Variants in CAMK2D observed in about 807,000 individuals in gnomAD.
CAMK2D encodes the protein calcium/calmodulin-dependent protein kinase type II subunit delta.
A neutral mutation model predicts 84.0 loss-of-function variants in CAMK2D; 37 were observed. The observed-to-expected ratio is 0.44, with a 90% CI of 0.34 to 0.58. CAMK2D has a LOEUF of 0.58. Ranked by LOEUF, CAMK2D falls within the 20% of genes least tolerant of loss-of-function variation. CAMK2D has a pLI of 0.02. For synonymous variants in CAMK2D, 202 were observed against 212.5 expected, an observed-to-expected ratio of 0.95 and a Z score of 0.43; for missense variants, 448 against 652.5, an observed-to-expected ratio of 0.69 and a Z score of 3.41.
chr4:113,553,794 G>C (rs1421120005), intron 4 of CAMK2D, among the ~76,000 whole-genome samples: 2 of 152,076 alleles, frequency 1.3e-5, no homozygotes, highest in East Asian at 3.8e-4. Context: ...ATTCCGATTA[G>C]AATCTATAAT....
At chr4:113,612,159 G>C (rs1005560497) in intron 3 of CAMK2D, among the ~76,000 whole-genome samples, 1 of 152,058 alleles carries the variant, frequency 6.6e-6, no homozygotes, top group African/African-American at 2.4e-5. Flanking sequence ...TGTGAGGATG[G>C]GTTTGTTTCC....
At chr4:113,472,105 C>G (rs1269930755) in intron 16 of CAMK2D, among the ~76,000 whole-genome samples, 3 of 152,090 alleles carry the variant, frequency 2.0e-5, no homozygotes, top group Non-Finnish European at 4.4e-5. Flanking sequence ...TGCTTCAGAC[C>G]CAGCTACTTT....
chr4:113,500,954 G>A (rs1362265478), intron 15 of CAMK2D, among the ~76,000 whole-genome samples: 2 of 151,922 alleles, frequency 1.3e-5, no homozygotes, highest in Non-Finnish European at 2.9e-5. Context: ...TTTGCGTCAG[G>A]CACTATGTTA....
Position 113,742,989 on chromosome 4 carries a change from C to T in CAMK2D, c.160+16331G>A, listed in dbSNP as rs530306140. Among the ~76,000 whole-genome samples, 226 of 152,154 alleles carry T rather than the reference C, an allele frequency of 1.5e-3. 9 individuals carry two copies. In the South Asian group the frequency reaches 0.047, roughly 31 times the overall value. Reference sequence around the variant, plus strand: ...GCAGAAAAATGGAATGAAATTGAATCGTAATAAGGGAAACTTAGATTGTAA... The same window carrying T: ...GCAGAAAAATGGAATGAAATTGAATTGTAATAAGGGAAACTTAGATTGTAA... On this transcript the variant is annotated intron_variant, in intron 2 of 20. Transcript: ENST00000511664.
intron 13 of CAMK2D, among the ~76,000 whole-genome samples, chr4:113,509,281 A>G (rs956185822): frequency 5.9e-5 from 9 of 152,232 alleles, no homozygotes; most frequent in Non-Finnish European, 1.2e-4. Context: ...CGTATGCAGC[A>G]TAATTATTTG....
At chr4:113,574,683 C>T (rs542912436) in intron 4 of CAMK2D, among the ~76,000 whole-genome samples, 1 of 152,292 alleles carries the variant, frequency 6.6e-6, no homozygotes, top group South Asian at 2.1e-4. Flanking sequence ...TAAGCCTCAG[C>T]TCTTAGTTAG....
intron 2 of CAMK2D, among the ~76,000 whole-genome samples, chr4:113,737,246 A>G (rs575039922): frequency 6.6e-6 from 1 of 152,366 alleles, no homozygotes; most frequent in East Asian, 1.9e-4. Flanking sequence ...AGCAACCTGC[A>G]TGTCCATCAA....
intron 3 of CAMK2D, among the ~76,000 whole-genome samples, chr4:113,638,424 T>C (rs531435210): frequency 6.6e-6 from 1 of 152,136 alleles, no homozygotes; most frequent in Admixed American, 6.5e-5. Context: ...AAGTATATTA[T>C]TTTCTTTTCT....
At chr4:113,635,113 G>A (rs115878829) in intron 3 of CAMK2D, among the ~76,000 whole-genome samples, 129 of 152,270 alleles carry the variant, frequency 8.5e-4, no homozygotes, top group African/African-American at 2.8e-3. Context: ...TGCTGTATGC[G>A]AAAGCACTTT....
intron 2 of CAMK2D, among the ~76,000 whole-genome samples, chr4:113,720,666 C>A (rs548378894): frequency 7.3e-5 from 11 of 151,238 alleles, no homozygotes; most frequent in African/African-American, 2.7e-4. Flanking sequence ...TATTTAGATG[C>A]AAAAGCAAAA....
chr4:113,661,585 A>G, intron 3 of CAMK2D, 128 bp downstream of exon 3: 1 of 475,444 alleles, frequency 2.1e-6, no homozygotes, highest in African/African-American at 2.0e-5. Context: ...TGTAACCAAG[A>G]TTGAAAGTTA....
rs1163187240 is a variant in CAMK2D at position 113,547,628 on chromosome 4, C to A, written c.414+16G>T. ...GAACTGTGTGGTGGTTTATCTTCTT[C>A]AACCGCATTACTCACCTTCAGGTCC... On this transcript the variant is annotated intron_variant, in intron 6 of 20. Coordinates refer to ENST00000511664, the MANE Select transcript of CAMK2D (RefSeq NM_001321571.2). The A allele has an allele frequency of 1.3e-6, 2 of 1,521,176 alleles. No individual in the cohort carries two copies. The highest frequency in any genetic ancestry group is 1.2e-5 in the South Asian group (1 of 83,858). 94.2% of individuals were successfully genotyped at this position (1,521,176 alleles called of 1,614,324 possible).
At position 113,515,007 on chromosome 4, in the gene CAMK2D, T is replaced by C. The variant is rs1004006651; in HGVS notation, c.819+62A>G. The stretch of plus-strand genomic sequence containing the variant: ...AAAGCTATTTTAAATCCATAAACAA[T>C]ATATTAAAGGAGAGCTTATTTTTCA... On this transcript the variant is annotated intron_variant, in intron 10 of 20. Transcript: ENST00000511664. 7.7e-6 allele frequency: 11 copies of C among 1,423,890 alleles called. No individual in the cohort carries two copies. In the Middle Eastern group the frequency reaches 8.8e-4, roughly 114 times the overall value. 88.2% of individuals were successfully genotyped at this position (1,423,890 alleles called of 1,614,324 possible). A position where few individuals can be genotyped will look rare whatever the true frequency, so the allele number is the denominator to read the frequency against.
At chr4:113,723,173 C>G (rs950521572) in intron 2 of CAMK2D, among the ~76,000 whole-genome samples, 2 of 151,280 alleles carry the variant, frequency 1.3e-5, no homozygotes, top group Non-Finnish European at 2.9e-5. Context: ...ATTACAGTGT[C>G]TAAACACAAG....
chr4:113,726,434 G>A (rs1189095269), intron 2 of CAMK2D, among the ~76,000 whole-genome samples: 1 of 141,372 alleles, frequency 7.1e-6, no homozygotes, highest in Non-Finnish European at 1.5e-5. Flanking sequence ...AGGCTGGGGT[G>A]CAGTGGCACA....
At chr4:113,689,130 C>T (rs761889853) in intron 2 of CAMK2D, among the ~76,000 whole-genome samples, 4 of 152,002 alleles carry the variant, frequency 2.6e-5, no homozygotes, top group Non-Finnish European at 4.4e-5. Flanking sequence ...CCTGTAGTCC[C>T]AGCTACTTGG....
intron 4 of CAMK2D, among the ~76,000 whole-genome samples, chr4:113,562,054 G>A (rs891226943): frequency 5.9e-5 from 9 of 152,138 alleles, no homozygotes; most frequent in Non-Finnish European, 4.4e-5. Flanking sequence ...AGTAATTTTA[G>A]CTGACTTTTT....
At chr4:113,467,179 TCA>T (rs1338259211) in intron 16 of CAMK2D, among the ~76,000 whole-genome samples, 1 of 152,208 alleles carries the variant, frequency 6.6e-6, no homozygotes, top group East Asian at 1.9e-4. Context: ...AGACTGGGAA[TCA>T]CAAAATGTTA....
chr4:113,455,822 C>A lies in CAMK2D; in HGVS notation c.1536-1G>T. On this transcript the variant is annotated splice_acceptor_variant, in intron 19 of 20. Transcript: ENST00000511664. LOFTEE classifies it high-confidence loss of function. ...TTTCCCATTTGGAATACAGGGTGGC[C>A]TATTAAGAGAAGCCCCATTTAAGCC... The A allele has an allele frequency of 6.3e-7, 1 of 1,597,440 alleles. No homozygotes were observed. The highest frequency in any genetic ancestry group is 8.6e-7 in the Non-Finnish European group (1 of 1,165,312).
Sources: gnomAD v4.1 joint callset for allele counts (sites outside exome capture counted in the v4.1 genomes callset) on GRCh38, gnomAD v4.1.1 for gene constraint, MANE v1.5 for transcripts, NCBI Gene and HGNC (gene_info 2026-07-23, HGNC 2026-07-21) for gene names.